The following LRRC53 variants were observed in gnomAD, a reference collection of about 807,000 sequenced individuals.
LRRC53 encodes leucine rich repeat containing 53.
LRRC53 carries 25 observed loss-of-function variants against 13.6 expected under a neutral mutation model. The observed-to-expected ratio is 1.83, with a 90% confidence interval of 1.34 to 2.56. The LOEUF (loss-of-function observed/expected upper bound fraction) is 2.56, where lower values mean the gene tolerates loss of function less well. Among genes scored for constraint, LRRC53 ranks in the 30% most tolerant of loss-of-function variants. The pLI, the probability that LRRC53 is intolerant of heterozygous loss-of-function variation, is 0.00. For missense variants in LRRC53, 527 were observed against 275.8 expected (o/e 1.91, Z -6.45); for synonymous variants, 204 against 109.8 (o/e 1.86, Z -5.37).
At chr1:74,495,990 G>A (rs1259060928) in intron 1 of LRRC53, among the ~76,000 whole-genome samples, 1 of 152,178 alleles carries the variant, frequency 6.6e-6, no homozygotes, top group Non-Finnish European at 1.5e-5. Flanking sequence ...AGGGCCATGA[G>A]TTTAACAGCT....
chr1:74,488,705 C>G (rs1259920400), intron 1 of LRRC53, among the ~76,000 whole-genome samples: 1 of 152,114 alleles, frequency 6.6e-6, no homozygotes, highest in Non-Finnish European at 1.5e-5. Context: ...TTACCTTAAA[C>G]CCTAAAGTAA....
At position 74,470,122 on chromosome 1, in the gene LRRC53, T is replaced by C; in HGVS notation, c.3500A>G (p.His1167Arg). The change falls in exon 5 of 5, where the codon CAT (histidine) becomes CGT (arginine). Residue 1167 changes from histidine to arginine, a missense_variant. By Grantham distance (29) the His-to-Arg change is conservative. Transcript: ENST00000294635. Reference sequence around the variant, plus strand: ...AATATTTTGAACTTCTCTAAAATTATGTACATTACTGTTAACTTCAGGATC... The same window carrying C: ...AATATTTTGAACTTCTCTAAAATTACGTACATTACTGTTAACTTCAGGATC... ...EVDPEVNSNV[H>R]NFREVQNIQP... 2.5e-6 allele frequency: 1 copy of C among 400,750 alleles called. No individual in the cohort carries two copies. Among genetic ancestry groups the C allele is most frequent in the Non-Finnish European group, 4.4e-6 (1 of 226,164 alleles). 24.8% of individuals were successfully genotyped at this position (400,750 alleles called of 1,614,324 possible).
In LRRC53 at chr1:74,475,686, A is replaced by G. The variant is rs1329463845; in HGVS notation, c.1029T>C (p.His343=). The change falls in exon 4 of 5, where the codon CAT becomes CAC. Residue 343 remains histidine (H), a synonymous_variant. Transcript: ENST00000294635. ...CRTFDEPLCA[H]EARNYHTKGY... ...CCTTAGTGTGGTAATTTCTTGCCTC[A>G]TGAGCACACAGGGGTTCATCGAAGG... 4 of 714,864 alleles carry G rather than the reference A, an allele frequency of 5.6e-6. No homozygotes were observed. The highest frequency in any genetic ancestry group is 1.0e-5 in the Non-Finnish European group (4 of 383,944). The allele number at this position is 714,864 out of a possible 1,614,324, so 44.3% of individuals were successfully genotyped here.
intron 1 of LRRC53, among the ~76,000 whole-genome samples, chr1:74,505,479 A>G (rs1440266118): frequency 6.6e-6 from 1 of 152,186 alleles, no homozygotes; most frequent in African/African-American, 2.4e-5. Flanking sequence ...AAGAGCAATG[A>G]TTTCTAAATA....
intron 1 of LRRC53, among the ~76,000 whole-genome samples, chr1:74,507,562 T>C (rs1669971412): frequency 6.6e-6 from 1 of 152,198 alleles, no homozygotes; most frequent in Admixed American, 6.5e-5. Context: ...GTGTATTGAA[T>C]GAATGAATGA....
chr1:74,476,788 A>G (rs143818778), intron 3 of LRRC53, among the ~76,000 whole-genome samples: 317 of 152,296 alleles, frequency 2.1e-3, no homozygotes, highest in African/African-American at 7.1e-3. Context: ...GACTGGCTAC[A>G]CCATGTCTAG....
chr1:74,517,617 A>C, the LRRC53 span, among the ~76,000 whole-genome samples: 1 of 152,204 alleles, frequency 6.6e-6, no homozygotes, highest in African/African-American at 2.4e-5. Flanking sequence ...ATAATCTGCT[A>C]TGTCCAACTC....
At chr1:74,521,512 A>G in the LRRC53 span, among the ~76,000 whole-genome samples, 2 of 151,206 alleles carry the variant, frequency 1.3e-5, no homozygotes, top group African/African-American at 2.5e-5. Context: ...GTATGTGTGT[A>G]TGTGTATATA....
chr1:74,531,945 C>T, the LRRC53 span, among the ~76,000 whole-genome samples: 2 of 152,132 alleles, frequency 1.3e-5, no homozygotes, highest in African/African-American at 4.8e-5. Context: ...ATCCAAATGG[C>T]TAAATCATCC....
At chr1:74,514,165 T>C (rs1348657350), upstream of LRRC53, among the ~76,000 whole-genome samples, 1 of 152,216 alleles carries the variant, frequency 6.6e-6, no homozygotes, top group African/African-American at 2.4e-5. Flanking sequence ...TTATAGAGCA[T>C]TTAAAGCCAG....
intron 1 of LRRC53, 147 bp from the exon 2 acceptor site, chr1:74,483,522 A>G (rs1359967706): frequency 1.1e-5 from 6 of 529,022 alleles, no homozygotes; most frequent in African/African-American, 1.9e-5. Context: ...GTAAATAACT[A>G]CATTCCTTAA....
Position 74,472,146 on chromosome 1 carries a change from T to C in LRRC53, c.1476A>G (p.Ala492=), listed in dbSNP as rs1343595884. 1.4e-6 allele frequency: 1 copy of C among 717,098 alleles called. No individual in the cohort carries two copies. The highest frequency in any genetic ancestry group is 2.6e-6 in the Non-Finnish European group (1 of 384,854). The allele number at this position is 717,098 out of a possible 1,614,324, so 44.4% of individuals were successfully genotyped here. The part of the protein sequence containing the change: ...RRYATPASAL[A]GESLEKRLTN... ...TTAAACGCTTCTCAAGACTTTCTCC[T>C]GCCAAGGCTGAAGCGGGTGTTGCAT... is the stretch of plus-strand genomic sequence containing the variant. The change falls in exon 5 of 5, where the codon GCA becomes GCG. Residue 492 remains alanine, a synonymous_variant. Transcript: ENST00000294635.
chr1:74,534,845 T>C, the LRRC53 span, among the ~76,000 whole-genome samples: 1 of 152,146 alleles, frequency 6.6e-6, no homozygotes, highest in African/African-American at 2.4e-5. Context: ...TTCTCTACAG[T>C]TTCCTCTGCT....
chr1:74,481,579 C>T (rs1281392586), intron 2 of LRRC53, among the ~76,000 whole-genome samples: 1 of 152,180 alleles, frequency 6.6e-6, no homozygotes, highest in Admixed American at 6.6e-5. Flanking sequence ...GTGGGGTTCT[C>T]ATTATAGTCT....
At chr1:74,472,250 C>A (rs897733595) in intron 4 of LRRC53, 49 bp from the exon 5 acceptor site, 2 of 710,138 alleles carry the variant, frequency 2.8e-6, no homozygotes, top group Non-Finnish European at 5.2e-6. Flanking sequence ...AGTTTTATTA[C>A]CCCAACCAAA....
chr1:74,506,231 T>C (rs1669893799), intron 1 of LRRC53, among the ~76,000 whole-genome samples: 2 of 152,250 alleles, frequency 1.3e-5, no homozygotes, highest in South Asian at 4.1e-4. Context: ...ACACTTAGTA[T>C]GTTCTAGACG....
chr1:74,484,049 G>A (rs1180187137), intron 1 of LRRC53, among the ~76,000 whole-genome samples: 1 of 151,728 alleles, frequency 6.6e-6, no homozygotes. Context: ...AATGTCTACA[G>A]TACAGAGTAT....
chr1:74,493,614 A>G (rs182926105), intron 1 of LRRC53, among the ~76,000 whole-genome samples: 156 of 152,252 alleles, frequency 1.0e-3, no homozygotes, highest in African/African-American at 3.5e-3. Flanking sequence ...AATCATAATC[A>G]TTTATTTCTT....
chr1:74,524,219 T>C, the LRRC53 span, among the ~76,000 whole-genome samples: 3 of 152,208 alleles, frequency 2.0e-5, no homozygotes, highest in Non-Finnish European at 2.9e-5. Flanking sequence ...ATCAGAAGTA[T>C]TTAGAGGCAT....
Sources: gnomAD v4.1 joint callset for allele counts (sites outside exome capture counted in the v4.1 genomes callset) on GRCh38, gnomAD v4.1.1 for gene constraint, MANE v1.5 for transcripts, NCBI Gene and HGNC (gene_info 2026-07-23, HGNC 2026-07-21) for gene names.